The following KIAA0319 variants were observed in gnomAD, a reference collection of about 807,000 sequenced individuals.
The protein encoded by KIAA0319 is dyslexia-associated protein KIAA0319.
KIAA0319 carries 83 observed loss-of-function variants against 108.4 expected under a neutral mutation model. The ratio of observed to expected loss-of-function variants is 0.77; its 90% CI spans 0.64 to 0.92. The LOEUF (loss-of-function observed/expected upper bound fraction) is 0.92, where lower values mean the gene tolerates loss of function less well. Among genes scored for constraint, KIAA0319 ranks in the 40% least tolerant of loss-of-function variants. The pLI is 0.00. For missense variants in KIAA0319, 1,195 were observed against 1,322.4 expected (o/e 0.90, Z 1.49); for synonymous variants, 484 against 510.4 (o/e 0.95, Z 0.70).
chr6:24,584,795 C>G (rs532980932), intron 4 of KIAA0319, among the ~76,000 whole-genome samples: 1 of 152,098 alleles, frequency 6.6e-6, no homozygotes, highest in African/African-American at 2.4e-5. Context: ...ACTTATATAC[C>G]GGATTAAACT....
At chr6:24,579,727 A>G (rs1766176558) in intron 8 of KIAA0319, 131 bp downstream of exon 8, 2 of 660,490 alleles carry the variant, frequency 3.0e-6, no homozygotes, top group Non-Finnish European at 5.1e-6. Context: ...AAGACATAAA[A>G]CTAAAGAAGG....
chr6:24,619,483 AAT>A (rs1374362883), intron 1 of KIAA0319, among the ~76,000 whole-genome samples: 1 of 152,198 alleles, frequency 6.6e-6, no homozygotes, highest in East Asian at 1.9e-4. Context: ...TCATTCTCCA[AAT>A]GCAAGAGATA....
At chr6:24,638,600 A>T (rs1320687137) in intron 1 of KIAA0319, among the ~76,000 whole-genome samples, 1 of 152,140 alleles carries the variant, frequency 6.6e-6, no homozygotes, top group African/African-American at 2.4e-5. Flanking sequence ...CTCTACTAAA[A>T]ATACAAAAAA....
intron 18 of KIAA0319, 46 bp downstream of exon 18, chr6:24,556,561 T>C (rs751523885): frequency 6.3e-7 from 1 of 1,576,014 alleles, no homozygotes; most frequent in African/African-American, 1.4e-5. Context: ...GAGAATGAGC[T>C]GCCTTAAGGC....
At chr6:24,580,040 T>G in intron 7 of KIAA0319, 90 bp from the exon 8 acceptor site, 1 of 986,336 alleles carries the variant, frequency 1.0e-6, no homozygotes, top group Admixed American at 2.2e-5. Context: ...AAAAATTGAT[T>G]ATACATGTCC....
At chr6:24,620,499 C>A (rs1362382282) in intron 1 of KIAA0319, among the ~76,000 whole-genome samples, 1 of 152,162 alleles carries the variant, frequency 6.6e-6, no homozygotes, top group Admixed American at 6.5e-5. Flanking sequence ...CGGGGTTTCA[C>A]CATGTTGGCC....
intron 20 of KIAA0319, among the ~76,000 whole-genome samples, chr6:24,550,627 A>G (rs1011697977): frequency 6.6e-6 from 1 of 152,218 alleles, no homozygotes; most frequent in Non-Finnish European, 1.5e-5. Context: ...GGCTAATTAG[A>G]TAACGCAGCT....
intron 1 of KIAA0319, among the ~76,000 whole-genome samples, chr6:24,602,283 T>C (rs915157974): frequency 6.6e-5 from 10 of 152,194 alleles, no homozygotes; most frequent in Admixed American, 6.5e-4. Context: ...TCTCAACGAT[T>C]ACAGGCGTGA....
intron 1 of KIAA0319, among the ~76,000 whole-genome samples, chr6:24,615,429 T>G (rs1053557294): frequency 6.6e-6 from 1 of 151,888 alleles, no homozygotes; most frequent in Non-Finnish European, 1.5e-5. Flanking sequence ...CCTATTTGCT[T>G]GTATTTGCAA....
chr6:24,572,509 C>A, intron 11 of KIAA0319, 66 bp downstream of exon 11: 1 of 1,570,086 alleles, frequency 6.4e-7, no homozygotes, highest in Non-Finnish European at 8.6e-7. Flanking sequence ...CATCTCCAAA[C>A]CCCAGAAGCC....
At chr6:24,634,595 G>C (rs542674750) in intron 1 of KIAA0319, among the ~76,000 whole-genome samples, 1 of 152,118 alleles carries the variant, frequency 6.6e-6, no homozygotes, top group African/African-American at 2.4e-5. Context: ...TTCTGACACC[G>C]TGTTAGTCCC....
intron 1 of KIAA0319, among the ~76,000 whole-genome samples, chr6:24,604,688 T>C (rs1267029402): frequency 6.6e-6 from 1 of 152,236 alleles, no homozygotes; most frequent in Non-Finnish European, 1.5e-5. Flanking sequence ...TTTCCTCTTC[T>C]CAATACCATA....
At chr6:24,600,609 G>GTA in intron 2 of KIAA0319, 1 of 1,421,098 alleles carries the variant, frequency 7.0e-7, no homozygotes, top group East Asian at 2.5e-5. Flanking sequence ...TCAATCCTTG[G>GTA]TATACTCACA....
chr6:24,607,122 G>T (rs1771528574), intron 1 of KIAA0319, among the ~76,000 whole-genome samples: 1 of 152,240 alleles, frequency 6.6e-6, no homozygotes. Flanking sequence ...TTGGGAGGCC[G>T]AGGCAGGTGG....
At chr6:24,631,756 A>G (rs1365413496) in intron 1 of KIAA0319, among the ~76,000 whole-genome samples, 1 of 152,244 alleles carries the variant, frequency 6.6e-6, no homozygotes, top group Non-Finnish European at 1.5e-5. Context: ...CTATCTAAGT[A>G]GGTGCTTTGC....
chr6:24,549,786 G>T (rs1285338390), intron 20 of KIAA0319, among the ~76,000 whole-genome samples: 1 of 152,134 alleles, frequency 6.6e-6, no homozygotes, highest in African/African-American at 2.4e-5. Context: ...TAGTTCACGG[G>T]TGAAACTGTA....
intron 19 of KIAA0319, among the ~76,000 whole-genome samples, chr6:24,552,903 A>G (rs1206010636): frequency 6.6e-6 from 1 of 152,124 alleles, no homozygotes; most frequent in Non-Finnish European, 1.5e-5. Context: ...CCTAGCCCAG[A>G]TTAAAATATA....
intron 3 of KIAA0319, among the ~76,000 whole-genome samples, chr6:24,590,065 A>G (rs1311946977): frequency 6.6e-6 from 1 of 152,242 alleles, no homozygotes; most frequent in East Asian, 1.9e-4. Context: ...AGAAACTCAC[A>G]GAAAGAAAAG....
chr6:24,563,563 A>G (rs1053875748), intron 15 of KIAA0319, 45 bp from the exon 16 acceptor site: 9 of 1,549,608 alleles, frequency 5.8e-6, no homozygotes, highest in Admixed American at 1.8e-5. Flanking sequence ...ACATTTGCAC[A>G]GGCTTTAGAG....
Sources: allele counts gnomAD v4.1 joint callset (sites outside exome capture counted in the v4.1 genomes callset), GRCh38; gene constraint gnomAD v4.1.1; transcripts MANE v1.5; gene names NCBI Gene and HGNC (gene_info 2026-07-23, HGNC 2026-07-21).